Variants in FECH observed in about 807,000 individuals in gnomAD.
The protein encoded by FECH is ferrochelatase, mitochondrial.
Under a neutral mutation model 56.9 loss-of-function variants are expected in FECH, and 40 were observed. That is an observed-to-expected ratio of 0.70 (90% CI 0.55 to 0.92). FECH has a LOEUF of 0.92. FECH is among the 40% of genes least tolerant of loss of function. The pLI is 0.00. For synonymous variants in FECH, 175 were observed against 198.6 expected (o/e 0.88, Z 1.00); for missense variants, 431 against 529.1 (o/e 0.81, Z 1.82).
chr18:57,561,684 G>A lies in FECH; in HGVS notation c.705+1190C>T, dbSNP rs187444728. Among the ~76,000 whole-genome samples the A allele has an allele frequency of 3.2e-3, 491 of 152,244 alleles. 2 individuals are homozygous for A. The highest frequency in any genetic ancestry group is 0.012 in the African/African-American group (479 of 41,540). On this transcript the variant is annotated intron_variant, in intron 6 of 10. Coordinates refer to ENST00000262093, the MANE Select transcript of FECH (RefSeq NM_000140.5). ...CCTTTTCAAAGGGCTGAATTTTAAT[G>A]CAAATCTAATTACTCACTTGATCAG... is the stretch of plus-strand genomic sequence containing the variant.
rs1346376796 is a variant in FECH at position 57,571,377 on chromosome 18, G to GTT, written c.463+14_463+15insAA. ...AGAACTAATCTAGTTACATGTTAATGAAGAAACACCATACCTGTGTTGGGG... is the reference window on the plus strand; with the variant it reads ...AGAACTAATCTAGTTACATGTTAATGTTAAGAAACACCATACCTGTGTTGGGG... On this transcript the variant is annotated intron_variant, in intron 4 of 10. Transcript: ENST00000262093. 73 of 1,613,176 alleles carry GTT rather than the reference G, an allele frequency of 4.5e-5. No individual in the cohort carries two copies. The highest frequency in any genetic ancestry group is 6.1e-5 in the Non-Finnish European group (72 of 1,179,312).
At chr18:57,579,057 G>A (rs2051226921) in intron 2 of FECH, among the ~76,000 whole-genome samples, 1 of 151,872 alleles carries the variant, frequency 6.6e-6, no homozygotes, top group Non-Finnish European at 1.5e-5. Context: ...AGACCAGCCT[G>A]GCTAACATAG....
chr18:57,576,367 G>A (rs1350040968), intron 2 of FECH, among the ~76,000 whole-genome samples: 1 of 152,122 alleles, frequency 6.6e-6, no homozygotes, highest in Non-Finnish European at 1.5e-5. Flanking sequence ...TTCTTTCCTT[G>A]ATATTTGAAA....
intron 3 of FECH, 154 bp downstream of exon 3, chr18:57,573,092 T>C (rs1319981311): frequency 1.5e-5 from 12 of 801,660 alleles, no homozygotes; most frequent in Non-Finnish European, 2.2e-5. Flanking sequence ...TTTTCTGATA[T>C]CATATCCTTC....
rs2122223997 is a variant in FECH at position 57,546,588 on chromosome 18, A to G, written c.*4124T>C. Among the ~76,000 whole-genome samples, 1 of 152,274 alleles carries G rather than the reference A, an allele frequency of 6.6e-6. No homozygotes were observed. The highest frequency in any genetic ancestry group is 1.5e-5 in the Non-Finnish European group (1 of 68,004). ...TTGAATTAAATATGGAATTTACTAG[A>G]AAGATTAGCCCACCTCTTGCATCAG... is the stretch of plus-strand genomic sequence containing the variant. On this transcript the variant is annotated 3_prime_UTR_variant, in exon 11 of 11. Coordinates refer to ENST00000262093, the MANE Select transcript of FECH (RefSeq NM_000140.5).
At position 57,573,452 on chromosome 18, in the gene FECH, T is replaced by C. The variant is rs1185535140; in HGVS notation, c.195-87A>G. 5.4e-6 allele frequency: 8 copies of C among 1,477,024 alleles called. No individual in the cohort carries two copies. The South Asian group carries it at 7.9e-5, about 15-fold the overall frequency. 91.5% of individuals were successfully genotyped at this position (1,477,024 alleles called of 1,614,324 possible). A position where few individuals can be genotyped will look rare whatever the true frequency, so the allele number is the denominator to read the frequency against. On this transcript the variant is annotated intron_variant, in intron 2 of 10. Transcript: ENST00000262093. ...TCTTGGTTCAGCCAGCAAACTCTAA[T>C]CTGTTCCATACAAAGGTAAATACTA...
intron 4 of FECH, chr18:57,567,700 G>A (rs562754415): frequency 3.3e-5 from 5 of 152,288 alleles, no homozygotes; most frequent in South Asian, 2.1e-4. Flanking sequence ...AGGAAAAGAC[G>A]GGAGTTTATC....
At chr18:57,564,468 C>A (rs1294076128) in intron 5 of FECH, among the ~76,000 whole-genome samples, 4 of 152,152 alleles carry the variant, frequency 2.6e-5, no homozygotes, top group African/African-American at 9.7e-5. Flanking sequence ...TAACATAGGG[C>A]AAGTCCCAAA....
At chr18:57,558,148 T>A (rs2050892124) in intron 7 of FECH, among the ~76,000 whole-genome samples, 1 of 152,206 alleles carries the variant, frequency 6.6e-6, no homozygotes, top group African/African-American at 2.4e-5. Context: ...AAAACCTCAA[T>A]CACCCCTGTG....
chr18:57,556,910 C>CA (rs57650194), intron 7 of FECH, among the ~76,000 whole-genome samples: 3 of 44,388 alleles, frequency 6.8e-5, no homozygotes, highest in Non-Finnish European at 8.1e-5. Context: ...GACCCTGTCT[C>CA]AAAAAAAAAA....
At chr18:57,572,193 A>T (rs567451210) in intron 3 of FECH, among the ~76,000 whole-genome samples, 4 of 152,228 alleles carry the variant, frequency 2.6e-5, no homozygotes, top group Non-Finnish European at 5.9e-5. Context: ...TCCATCAATG[A>T]TAGACTGGAT....
In FECH at chr18:57,562,075, T is replaced by C. The variant is rs375597783; in HGVS notation, c.705+799A>G. ...GACACCAGGCTTCTAAAGAAGTTGT[T>C]AGTAGGGTTTTTTGCCGGGAGTCAG... is the stretch of plus-strand genomic sequence containing the variant. On this transcript the variant is annotated intron_variant, in intron 6 of 10. Transcript: ENST00000262093. Among the ~76,000 whole-genome samples, 18 of 152,304 alleles carry C rather than the reference T, an allele frequency of 1.2e-4. No individual in the cohort carries two copies. The South Asian group carries it at 3.5e-3, about 30-fold the overall frequency.
rs2050710529 is a variant in FECH, at chr18:57,545,602, CTGCTATTGCTCATCATA to C, written c.*5093_*5109del. Among the ~76,000 whole-genome samples, 1 of 152,220 alleles carries C rather than the reference CTGCTATTGCTCATCATA, an allele frequency of 6.6e-6. No individual in the cohort carries two copies. The highest frequency in any genetic ancestry group is 6.5e-5 in the Admixed American group (1 of 15,272). ...CGATGGTCTGGCTGAAGGGCACCAC[CTGCTATTGCTCATCATA>C]TTCGTGCCATTCAACAAATATTAGC... On this transcript the variant is annotated 3_prime_UTR_variant, in exon 11 of 11. Coordinates refer to ENST00000262093, the MANE Select transcript of FECH (RefSeq NM_000140.5).
At chr18:57,573,504 A>G (rs1407625989) in intron 2 of FECH, 139 bp from the exon 3 acceptor site, 1 of 990,400 alleles carries the variant, frequency 1.0e-6, no homozygotes, top group African/African-American at 1.6e-5. Context: ...CGTCACACAG[A>G]TACCTATTCG....
chr18:57,582,111 T>G (rs2051288778), intron 1 of FECH, among the ~76,000 whole-genome samples: 1 of 152,188 alleles, frequency 6.6e-6, no homozygotes, highest in Non-Finnish European at 1.5e-5. Context: ...TTCCTAATCA[T>G]GCTGCAATGG....
intron 6 of FECH, among the ~76,000 whole-genome samples, chr18:57,562,181 A>T (rs979334565): frequency 6.6e-6 from 1 of 152,266 alleles, no homozygotes; most frequent in Non-Finnish European, 1.5e-5. Context: ...ACTCAAAAGC[A>T]GAAACTTCTA....
chr18:57,577,614 G>A (rs1457235493), intron 2 of FECH, among the ~76,000 whole-genome samples: 2 of 152,150 alleles, frequency 1.3e-5, no homozygotes, highest in Non-Finnish European at 2.9e-5. Context: ...GGTAGTTTAT[G>A]ACTTAATAAA....
chr18:57,569,573 CAGG>C (rs1470613482), intron 4 of FECH, among the ~76,000 whole-genome samples: 2 of 152,192 alleles, frequency 1.3e-5, no homozygotes, highest in South Asian at 2.1e-4. Context: ...TCACCGGAGA[CAGG>C]AGGTGGCGGG....
intron 4 of FECH, among the ~76,000 whole-genome samples, chr18:57,566,897 A>G (rs1404346436): frequency 6.6e-6 from 1 of 152,132 alleles, no homozygotes; most frequent in Non-Finnish European, 1.5e-5. Context: ...AAAGGAGGAA[A>G]AAACAACACT....
Sources: allele counts gnomAD v4.1 joint callset (sites outside exome capture counted in the v4.1 genomes callset), GRCh38; gene constraint gnomAD v4.1.1; transcripts MANE v1.5; gene names NCBI Gene and HGNC (gene_info 2026-07-23, HGNC 2026-07-21).